DNAH8: variants seen among roughly 807,000 people sequenced by gnomAD.
DNAH8 encodes the protein dynein axonemal heavy chain 8.
Under a neutral mutation model 562.1 loss-of-function variants are expected in DNAH8, and 382 were observed. The ratio of observed to expected loss-of-function variants is 0.68; its 90% confidence interval spans 0.63 to 0.74. The LOEUF (loss-of-function observed/expected upper bound fraction) is 0.74, where lower values mean the gene tolerates loss of function less well. DNAH8 is among the 30% of genes least tolerant of loss of function. The probability of loss-of-function intolerance (pLI) is 0.00; values close to 1 mark genes in which losing one functional copy is unlikely to be tolerated. For synonymous variants in DNAH8, 1,881 were observed against 1,919.4 expected (o/e 0.98, Z 0.52); for missense variants, 5,203 against 5,620.4 (o/e 0.93, Z 2.37).
intron 20 of DNAH8, among the ~76,000 whole-genome samples, chr6:38,790,940 G>A (rs1048822503): frequency 1.3e-5 from 2 of 152,034 alleles, no homozygotes; most frequent in East Asian, 1.9e-4. Flanking sequence ...TGAAATGATG[G>A]TTCAACTTCA....
At chr6:38,923,423 G>C (rs1326003895) in intron 72 of DNAH8, 2 of 377,100 alleles carry the variant, frequency 5.3e-6, no homozygotes, top group African/African-American at 2.1e-5. Context: ...ATATTGTTTG[G>C]ATTTGCCAGA....
In DNAH8 at chr6:38,898,274, T is replaced by C. The variant is rs773118048; in HGVS notation, c.8957T>C (p.Phe2986Ser). The change falls in exon 61 of 93, where the codon TTT (phenylalanine) becomes TCT (serine). Residue 2986 changes from phenylalanine to serine, a missense_variant. Phe to Ser is a radical substitution (Grantham distance 155, BLOSUM62 -2). Coordinates refer to ENST00000327475, the MANE Select transcript of DNAH8 (RefSeq NM_001206927.2). ...CACCCATAGATGCCATCCTTTGACT[T>C]TCTGGCTGAAAAACTCCAGTTTTAC... The part of the protein sequence containing the change: ...KIYELMPSFD[F>S]LAEKLQFYQR... The C allele has an allele frequency of 5.7e-6, 9 of 1,592,820 alleles. No individual in the cohort carries two copies. Among genetic ancestry groups the C allele is most frequent in the Non-Finnish European group, 7.7e-6 (9 of 1,173,470 alleles).
intron 79 of DNAH8, among the ~76,000 whole-genome samples, chr6:38,941,973 G>T (rs550838648): frequency 8.5e-4 from 130 of 152,246 alleles, no homozygotes; most frequent in African/African-American, 3.1e-3. Flanking sequence ...TAGAGCTCTC[G>T]TGAATGGGGT....
chr6:38,853,208 A>G lies in DNAH8; in HGVS notation c.5594A>G (p.Lys1865Arg). The G allele has an allele frequency of 6.2e-7, 1 of 1,609,750 alleles. No individual in the cohort carries two copies. Among genetic ancestry groups the G allele is most frequent in the Non-Finnish European group, 8.5e-7 (1 of 1,178,828 alleles). The change falls in exon 41 of 93, where the codon AAA becomes AGA. Residue 1865 changes from lysine to arginine, a missense_variant. Around this residue, in one of 6 missense-constraint regions of DNAH8, gnomAD observed 2,176 missense variants for 2,365.1 expected, o/e 0.92. Transcript: ENST00000327475. ...TAGTTGGATAATTCTGTTATGGCCA[A>G]AGGTCCTGTGGAGATTTGGCTACTG... ...KIVLDNSVMA[K>R]GPVEIWLLDL...
chr6:38,724,792 C>G (rs1763069630), intron 3 of DNAH8, among the ~76,000 whole-genome samples: 1 of 152,134 alleles, frequency 6.6e-6, no homozygotes, highest in South Asian at 2.1e-4. Flanking sequence ...TAGGAGTGGA[C>G]TGGGCTGGTA....
intron 8 of DNAH8, among the ~76,000 whole-genome samples, chr6:38,747,387 T>C (rs1205716402): frequency 2.7e-5 from 2 of 72,758 alleles, no homozygotes; most frequent in Non-Finnish European, 9.4e-5. Flanking sequence ...TCTTTTTCTT[T>C]TTTTTTTTTT....
chr6:38,887,833 C>CT (rs538279493), intron 57 of DNAH8, among the ~76,000 whole-genome samples: 14,549 of 120,826 alleles, frequency 0.12, 1,313 homozygotes, highest in Admixed American at 0.16. Flanking sequence ...AAAGGGCAGA[C>CT]TTTTTTTTTT....
In DNAH8 at chr6:38,915,326, C is replaced by A. The variant is rs755220570; in HGVS notation, c.10089C>A (p.Ser3363Arg). The A allele has an allele frequency of 1.2e-6, 2 of 1,609,340 alleles. No homozygotes were observed. Among genetic ancestry groups the A allele is most frequent in the East Asian group, 4.5e-5 (2 of 44,434 alleles). ...EIDSEKVKAE[S>R]KLEAAKPALE... ...ATAGTGAAAAAGTGAAAGCTGAAAG[C>A]AAGCTTGAGGCAGCTAAACCTGCAC... Residue 3363 changes from serine (S) to arginine (R), a missense_variant, in exon 68 of 93, where the codon AGC becomes AGA. By Grantham distance (110) the Ser-to-Arg change is moderately radical. This residue lies in a region of DNAH8 where 87 missense variants were observed against 144.9 expected (regional missense o/e 0.60). Coordinates refer to ENST00000327475, the MANE Select transcript of DNAH8 (RefSeq NM_001206927.2).
At chr6:38,906,904 C>G (rs1345036640) in intron 63 of DNAH8, among the ~76,000 whole-genome samples, 1 of 152,158 alleles carries the variant, frequency 6.6e-6, no homozygotes, top group Non-Finnish European at 1.5e-5. Context: ...AAATCTGAAA[C>G]TTTTTGAGCA....
chr6:38,921,240 G>T, intron 70 of DNAH8, 129 bp from the exon 71 acceptor site: 1 of 1,077,380 alleles, frequency 9.3e-7, no homozygotes, highest in East Asian at 2.6e-5. Flanking sequence ...TTTCCCAGCT[G>T]AAGACACGGA....
At chr6:38,956,109 A>G (rs933667129) in intron 82 of DNAH8, among the ~76,000 whole-genome samples, 1 of 152,148 alleles carries the variant, frequency 6.6e-6, no homozygotes, top group Non-Finnish European at 1.5e-5. Flanking sequence ...CTTGTCTCCA[A>G]CCACCCTCAG....
At chr6:38,839,419 G>A (rs1054934733) in intron 33 of DNAH8, among the ~76,000 whole-genome samples, 7 of 151,492 alleles carry the variant, frequency 4.6e-5, no homozygotes, top group Non-Finnish European at 8.8e-5. Flanking sequence ...TAGTACTGGA[G>A]TGTAGTGGTG....
intron 34 of DNAH8, 32 bp from the exon 35 acceptor site, chr6:38,842,631 T>G (rs761767725): frequency 3.7e-6 from 6 of 1,602,160 alleles, no homozygotes; most frequent in Non-Finnish European, 4.3e-6. Context: ...AATGTGAAGG[T>G]GGCATATTTT....
chr6:38,817,658 T>C (rs1265992838), intron 26 of DNAH8, among the ~76,000 whole-genome samples: 1 of 152,182 alleles, frequency 6.6e-6, no homozygotes, highest in African/African-American at 2.4e-5. Context: ...AGTATACCTT[T>C]TTTATAAGGA....
chr6:38,741,260 G>C (rs955322426), intron 7 of DNAH8, among the ~76,000 whole-genome samples: 34 of 151,990 alleles, frequency 2.2e-4, no homozygotes, highest in African/African-American at 7.7e-4. Context: ...AGAATTAGCT[G>C]TCTGTGGTAG....
chr6:38,890,864 G>GT, intron 58 of DNAH8, 103 bp downstream of exon 58: 2 of 769,416 alleles, frequency 2.6e-6, no homozygotes, highest in Non-Finnish European at 4.4e-6. Context: ...ATATAGTGGT[G>GT]TTTTTTGGAA....
At chr6:38,790,010 G>T in intron 19 of DNAH8, 127 bp downstream of exon 19, 2 of 667,152 alleles carry the variant, frequency 3.0e-6, no homozygotes, top group East Asian at 3.1e-5. Flanking sequence ...CAATTTTATA[G>T]CTCTGTTTTT....
chr6:38,978,314 C>T (rs923661938), intron 85 of DNAH8, among the ~76,000 whole-genome samples: 2 of 152,194 alleles, frequency 1.3e-5, no homozygotes, highest in African/African-American at 4.8e-5. Flanking sequence ...GGGAATCTCA[C>T]TATTAACAGT....
chr6:38,814,447 G>T (rs1377894105), intron 25 of DNAH8, among the ~76,000 whole-genome samples: 2 of 152,128 alleles, frequency 1.3e-5, no homozygotes, highest in Non-Finnish European at 2.9e-5. Flanking sequence ...CAGTTGTGGT[G>T]GTAGGTGCCT....
Sources: allele counts gnomAD v4.1 joint callset (sites outside exome capture counted in the v4.1 genomes callset), GRCh38; gene constraint gnomAD v4.1.1; regional missense constraint gnomAD v4.1.1; transcripts MANE v1.5; gene names NCBI Gene and HGNC (gene_info 2026-07-23, HGNC 2026-07-21).